The following SLC35B3 variants were observed in gnomAD, a reference collection of about 807,000 sequenced individuals.
SLC35B3 encodes the protein solute carrier family 35 member B3.
In SLC35B3, 35 loss-of-function variants were observed where a neutral mutation model predicts 44.1. The observed-to-expected ratio is 0.79, with a 90% CI of 0.61 to 1.05. SLC35B3 has a LOEUF of 1.05. Among genes scored for constraint, SLC35B3 ranks in the 50% least tolerant of loss-of-function variants. The pLI is 0.00. For missense variants in SLC35B3, 414 were observed against 476.4 expected, an observed-to-expected ratio of 0.87 and a Z score of 1.22; for synonymous variants, 146 against 167.3, an observed-to-expected ratio of 0.87 and a Z score of 0.98.
intron 7 of SLC35B3, among the ~76,000 whole-genome samples, chr6:8,418,146 A>G (rs1474821127): frequency 6.6e-6 from 1 of 152,172 alleles, no homozygotes; most frequent in Non-Finnish European, 1.5e-5. Context: ...AGAGATATTA[A>G]GTAATTTTCC....
In SLC35B3 at chr6:8,432,206, CCTT is replaced by C. The variant is rs1366405533; in HGVS notation, c.4-2052_4-2050del. 6.6e-6 allele frequency among the ~76,000 whole-genome samples: 1 copy of C among 151,874 alleles called. No homozygotes were observed. Among genetic ancestry groups the C allele is most frequent in the Non-Finnish European group, 1.5e-5 (1 of 68,012 alleles). On this transcript the variant is annotated intron_variant, in intron 2 of 10. Coordinates refer to ENST00000644923, the MANE Select transcript of SLC35B3 (RefSeq NM_001370476.2). The surrounding 1 kb of genome is among the most constrained non-coding windows in gnomAD (Gnocchi z 4.8). ...TCAAACTTCAGCTTGCAATCACTCA[CCTT>C]CTGCTTGGATACGATTTTTGAAATG...
intron 4 of SLC35B3, among the ~76,000 whole-genome samples, chr6:8,423,591 A>G (rs755967928): frequency 3.9e-5 from 6 of 152,204 alleles, no homozygotes; most frequent in Non-Finnish European, 8.8e-5. Flanking sequence ...CACAGACACA[A>G]TCAGGCACTA....
Position 8,422,456 on chromosome 6 carries a change from T to A in SLC35B3, c.574+14A>T. 6.3e-7 allele frequency: 1 copy of A among 1,591,660 alleles called. No homozygotes were observed. The highest frequency in any genetic ancestry group is 2.2e-5 in the East Asian group (1 of 44,690). On this transcript the variant is annotated intron_variant, in intron 5 of 10. Transcript: ENST00000644923. ...ATTAGTTTTAAATAGTATAAAAACA[T>A]ATCATTACTATACCTTGAATAAAAA...
rs982047671 is a variant in SLC35B3, at chr6:8,434,526, G to A, written c.-43-96C>T. The A allele has an allele frequency of 8.4e-6, 8 of 956,650 alleles. No individual in the cohort carries two copies. Among genetic ancestry groups the A allele is most frequent in the Admixed American group, 2.7e-5 (1 of 36,880 alleles). 59.3% of individuals were successfully genotyped at this position (956,650 alleles called of 1,614,324 possible). ...AAAGGTGGAGAAACCCTGTGCTAAT[G>A]TTTGAAGACTATTCTTTTTTTTTTC... On this transcript the variant is annotated intron_variant, in intron 1 of 10. Transcript: ENST00000644923. The surrounding 1 kb of genome is among the most constrained non-coding windows in gnomAD (Gnocchi z 6.3).
intron 3 of SLC35B3, chr6:8,429,637 G>T: frequency 3.0e-6 from 1 of 332,688 alleles, no homozygotes; most frequent in East Asian, 5.0e-5. Context: ...TTTTCATAAT[G>T]AAAATTTTTC....
At position 8,428,078 on chromosome 6, in the gene SLC35B3, C is replaced by CACTG; in HGVS notation, c.298-24_298-21dup. 6.4e-7 allele frequency: 1 copy of CACTG among 1,564,128 alleles called. No homozygotes were observed. The highest frequency in any genetic ancestry group is 8.7e-7 in the Non-Finnish European group (1 of 1,154,694). On this transcript the variant is annotated intron_variant, in intron 3 of 10. Transcript: ENST00000644923. ...TAATTCCTGTCAAAAGACACATGAA[C>CACTG]ACTGTTAAGTCCAAGGCAGCACACT...
rs1323385050 is a variant in SLC35B3 at position 8,430,070 on chromosome 6, T to C, written c.91A>G (p.Ile31Val). The change falls in exon 3 of 11, where the codon ATA becomes GTA. Residue 31 changes from isoleucine to valine, a missense_variant. By Grantham distance (29) the Ile-to-Val change is conservative. Coordinates refer to ENST00000644923, the MANE Select transcript of SLC35B3 (RefSeq NM_001370476.2). Reference sequence around the variant, plus strand: ...TTGTTGAACTTGAGATCCATTGTTATTTTGCTGCATTCAATGCTTTCAGAG... The same window carrying C: ...TTGTTGAACTTGAGATCCATTGTTACTTTGCTGCATTCAATGCTTTCAGAG... The C allele has an allele frequency of 6.2e-7, 1 of 1,613,948 alleles. No individual in the cohort carries two copies. Among genetic ancestry groups the C allele is most frequent in the Admixed American group, 1.7e-5 (1 of 59,990 alleles).
chr6:8,429,933 G>A lies in SLC35B3; in HGVS notation c.228C>T (p.Asn76=). 6.2e-7 allele frequency: 1 copy of A among 1,611,090 alleles called. No homozygotes were observed. The highest frequency in any genetic ancestry group is 8.5e-7 in the Non-Finnish European group (1 of 1,178,806). Residue 76 remains asparagine, a synonymous_variant, in exon 3 of 11, where the codon AAC becomes AAT. Transcript: ENST00000644923. ...CACATATGAAAAACTGAGTAAGTTT[G>A]TTAAACTTGCTGAGATTCATGCCAA...
Position 8,427,655 on chromosome 6 carries a change from A to G in SLC35B3, c.419+282T>C, listed in dbSNP as rs910412927. ...CTGCACCTATTTCAGCAGAATTTATACAAATCAAGTATGTACATTGTGTTT... is the reference window on the plus strand; with the variant it reads ...CTGCACCTATTTCAGCAGAATTTATGCAAATCAAGTATGTACATTGTGTTT... On this transcript the variant is annotated intron_variant, in intron 4 of 10. Coordinates refer to ENST00000644923, the MANE Select transcript of SLC35B3 (RefSeq NM_001370476.2). Among the ~76,000 whole-genome samples, 4 of 152,240 alleles carry G rather than the reference A, an allele frequency of 2.6e-5. No homozygotes were observed. In the East Asian group the frequency reaches 7.7e-4, roughly 29 times the overall value.
At chr6:8,415,569 C>T (rs1043163166) in intron 9 of SLC35B3, among the ~76,000 whole-genome samples, 1 of 152,148 alleles carries the variant, frequency 6.6e-6, no homozygotes, top group Admixed American at 6.5e-5. Flanking sequence ...ACTGCACTAT[C>T]GGTTGCCATC....
At chr6:8,423,413 G>A (rs1763120144) in intron 4 of SLC35B3, among the ~76,000 whole-genome samples, 1 of 108,844 alleles carries the variant, frequency 9.2e-6, no homozygotes, top group African/African-American at 4.9e-5. Context: ...TGAGGTATCT[G>A]ACTCTCTCAT....
Position 8,435,054 on chromosome 6 carries a change from A to G in SLC35B3, c.-44+289T>C. Reference sequence around the variant, plus strand: ...TCCAGAGACCCCGAGAACAGCGTAAAAGACCCCTTGAGGTCACCTCACCCC... The same window carrying G: ...TCCAGAGACCCCGAGAACAGCGTAAGAGACCCCTTGAGGTCACCTCACCCC... On this transcript the variant is annotated intron_variant, in intron 1 of 10. Coordinates refer to ENST00000644923, the MANE Select transcript of SLC35B3 (RefSeq NM_001370476.2). The surrounding 1 kb of genome is among the most constrained non-coding windows in gnomAD (Gnocchi z 5.5). 8.3e-7 allele frequency: 1 copy of G among 1,197,970 alleles called. No homozygotes were observed. The allele number at this position is 1,197,970 out of a possible 1,614,324, so 74.2% of individuals were successfully genotyped here.
In SLC35B3 at chr6:8,419,418, T is replaced by C. The variant is rs10458227; in HGVS notation, c.780+162A>G. ...TGCAACAAGCGGTTAGCACTGCTAG[T>C]TGTAGTTTTAGTTTTTACCTTCCTA... On this transcript the variant is annotated intron_variant, in intron 7 of 10. Transcript: ENST00000644923. The surrounding 1 kb of genome is among the most constrained non-coding windows in gnomAD (Gnocchi z 4.3). Among the ~76,000 whole-genome samples, 6,911 of 152,186 alleles carry C rather than the reference T, an allele frequency of 0.045. 284 individuals are homozygous for C. The highest frequency in any genetic ancestry group is 0.11 in the African/African-American group (4,475 of 41,538).
Position 8,429,993 on chromosome 6 carries a change from T to C in SLC35B3, c.168A>G (p.Ser56=). The change falls in exon 3 of 11, where the codon TCA becomes TCG. Residue 56 remains serine, a synonymous_variant. Coordinates refer to ENST00000644923, the MANE Select transcript of SLC35B3 (RefSeq NM_001370476.2). The stretch of plus-strand genomic sequence containing the variant: ...CGTCGTCAACTGACTTGATGTGTGG[T>C]GACATTGTTTGGGTTTTGGATGGCA... The C allele has an allele frequency of 6.2e-7, 1 of 1,613,970 alleles. No homozygotes were observed. The highest frequency in any genetic ancestry group is 1.1e-5 in the South Asian group (1 of 91,042).
intron 10 of SLC35B3, among the ~76,000 whole-genome samples, chr6:8,414,369 G>A (rs1276704849): frequency 6.6e-6 from 1 of 152,066 alleles, no homozygotes; most frequent in Non-Finnish European, 1.5e-5. Context: ...AGTAAAGACA[G>A]TAAATATGAT....
Position 8,434,351 on chromosome 6 carries a change from G to C in SLC35B3, c.3+34C>G. On this transcript the variant is annotated intron_variant, in intron 2 of 10. Coordinates refer to ENST00000644923, the MANE Select transcript of SLC35B3 (RefSeq NM_001370476.2). This position sits in a 1 kb window ranked among gnomAD's most constrained non-coding sequence, Gnocchi z 6.3. ...AAAAACGTGATTTTAACTATACTTT[G>C]CCACACTCAACGTTACAAATAAAAG... 2.5e-6 allele frequency: 4 copies of C among 1,599,890 alleles called. No homozygotes were observed. The highest frequency in any genetic ancestry group is 2.6e-6 in the Non-Finnish European group (3 of 1,168,254).
chr6:8,417,852 TTAAG>T (rs1762557641), intron 7 of SLC35B3, among the ~76,000 whole-genome samples: 5 of 151,912 alleles, frequency 3.3e-5, no homozygotes, highest in Admixed American at 3.3e-4. Flanking sequence ...CATAAAAAAA[TTAAG>T]TTTCTAAAAT....
intron 4 of SLC35B3, 80 bp downstream of exon 3, chr6:8,427,857 T>C (rs899592806): frequency 1.1e-5 from 14 of 1,250,364 alleles, no homozygotes; most frequent in South Asian, 1.5e-5. Flanking sequence ...TTAATAGAAG[T>C]ATAAATTTCA....
chr6:8,425,997 C>T (rs1763376624), intron 4 of SLC35B3, among the ~76,000 whole-genome samples: 1 of 152,148 alleles, frequency 6.6e-6, no homozygotes, highest in South Asian at 2.1e-4. Flanking sequence ...CAAACAAGCA[C>T]ATTTGGTCTT....
Sources: gnomAD v4.1 joint callset for allele counts (sites outside exome capture counted in the v4.1 genomes callset) on GRCh38, gnomAD v4.1.1 for gene constraint, Gnocchi (gnomAD v3.1) non-coding constraint, MANE v1.5 for transcripts, NCBI Gene and HGNC (gene_info 2026-07-23, HGNC 2026-07-21) for gene names.